The following MAGI2 variants were observed in gnomAD, a reference collection of about 807,000 sequenced individuals.
MAGI2 encodes the protein membrane associated guanylate kinase, WW and PDZ domain containing 2.
MAGI2 carries 35 observed loss-of-function variants against 133.3 expected under a neutral mutation model. The ratio of observed to expected loss-of-function variants is 0.26; its 90% confidence interval spans 0.20 to 0.35. The LOEUF (loss-of-function observed/expected upper bound fraction) is 0.35, where lower values mean the gene tolerates loss of function less well. Ranked by LOEUF, MAGI2 falls within the 10% of genes least tolerant of loss-of-function variation. The pLI is 1.00. For synonymous variants in MAGI2, 729 were observed against 710.6 expected (o/e 1.03, Z -0.41); for missense variants, 1,636 against 1,863.4 (o/e 0.88, Z 2.25).
chr7:78,266,331 G>C (rs1194935540), intron 9 of MAGI2, among the ~76,000 whole-genome samples: 6 of 152,150 alleles, frequency 3.9e-5, no homozygotes, highest in Non-Finnish European at 8.8e-5. Flanking sequence ...TCCCCGAGGA[G>C]CTGGGGCTAC....
intron 2 of MAGI2, among the ~76,000 whole-genome samples, chr7:78,826,158 C>T (rs1790612380): frequency 6.6e-6 from 1 of 151,810 alleles, no homozygotes; most frequent in African/African-American, 2.4e-5. Context: ...CGAGACCATC[C>T]TGCCTAACAC....
chr7:78,144,270 T>C (rs1402455999), intron 16 of MAGI2, among the ~76,000 whole-genome samples: 1 of 152,170 alleles, frequency 6.6e-6, no homozygotes, highest in Non-Finnish European at 1.5e-5. Context: ...ACATTTTAAA[T>C]CTTTCAGCTG....
chr7:78,466,365 AGGT>A (rs1423463694), intron 6 of MAGI2, among the ~76,000 whole-genome samples: 1 of 152,232 alleles, frequency 6.6e-6, no homozygotes, highest in Non-Finnish European at 1.5e-5. Flanking sequence ...ACTTGGGCAC[AGGT>A]GTGAACACAA....
At chr7:79,299,421 G>C (rs1837206380) in intron 1 of MAGI2, among the ~76,000 whole-genome samples, 1 of 151,548 alleles carries the variant, frequency 6.6e-6, no homozygotes, top group Non-Finnish European at 1.5e-5. Flanking sequence ...TTTTGAAGAG[G>C]CATAAGCCAT....
At chr7:78,259,679 C>A (rs1169540895) in intron 9 of MAGI2, among the ~76,000 whole-genome samples, 4 of 152,102 alleles carry the variant, frequency 2.6e-5, no homozygotes, top group Non-Finnish European at 5.9e-5. Context: ...GTAACAAATG[C>A]CACTTCCTCT....
At chr7:79,304,666 C>T (rs10254566) in intron 1 of MAGI2, among the ~76,000 whole-genome samples, 2,536 of 152,278 alleles carry the variant, frequency 0.017, 59 homozygotes, top group African/African-American at 0.059. Flanking sequence ...ATTTACACTG[C>T]CCAGACACTG....
At chr7:79,108,859 G>T (rs1322198430) in intron 1 of MAGI2, among the ~76,000 whole-genome samples, 1 of 152,126 alleles carries the variant, frequency 6.6e-6, no homozygotes, top group Non-Finnish European at 1.5e-5. Context: ...TTACTCACAA[G>T]ATCTGGTTGT....
intron 3 of MAGI2, among the ~76,000 whole-genome samples, chr7:78,522,052 T>C (rs17150949): frequency 0.11 from 16,087 of 152,214 alleles, 1,043 homozygotes; most frequent in Middle Eastern, 0.18. Flanking sequence ...TCTCACACTA[T>C]TCTGAAAAGG....
intron 1 of MAGI2, among the ~76,000 whole-genome samples, chr7:79,299,574 G>A (rs1458922037): frequency 0.027 from 1,167 of 43,270 alleles, 8 homozygotes; most frequent in East Asian, 0.045. Flanking sequence ...AAAAAAAAAA[G>A]ATATCTTTAT....
At chr7:79,001,602 T>C (rs914681342) in intron 2 of MAGI2, among the ~76,000 whole-genome samples, 1 of 152,234 alleles carries the variant, frequency 6.6e-6, no homozygotes, top group East Asian at 1.9e-4. Flanking sequence ...AAGAAGCATG[T>C]CAGTTTAATT....
At chr7:79,415,708 G>T (rs1298267396) in intron 1 of MAGI2, 1 of 152,068 alleles carries the variant, frequency 6.6e-6, no homozygotes, top group East Asian at 1.9e-4. Flanking sequence ...AGATTAAACA[G>T]TACCAGATAC....
intron 3 of MAGI2, among the ~76,000 whole-genome samples, chr7:78,569,212 C>T (rs1801255838): frequency 6.6e-6 from 1 of 151,936 alleles, no homozygotes; most frequent in South Asian, 2.1e-4. Flanking sequence ...GTTTTTTGTT[C>T]ATTTATTCAT....
At chr7:78,911,078 C>T (rs1179007577) in intron 2 of MAGI2, among the ~76,000 whole-genome samples, 1 of 152,146 alleles carries the variant, frequency 6.6e-6, no homozygotes, top group Non-Finnish European at 1.5e-5. Flanking sequence ...CTTCCCTTGT[C>T]TGTGTTTATT....
In MAGI2 at chr7:78,178,100, G is replaced by C; in HGVS notation, c.2314C>G (p.Pro772Ala). The change falls in exon 14 of 22, where the codon CCA (proline) becomes GCA (alanine). Residue 772 changes from proline (P) to alanine (A), a missense_variant and splice_region_variant. Pro to Ala is a conservative substitution (Grantham distance 27). Around this residue, in one of 5 missense-constraint regions of MAGI2, gnomAD observed 920 missense variants for 1,093.5 expected, o/e 0.84. Coordinates refer to ENST00000354212, the MANE Select transcript of MAGI2 (RefSeq NM_012301.4). ...TGAACATCCAATTCCTTATAATCTG[G>C]ACCTGGCATAAAGGAGATCCCATTG... ...RTSFRMDSSGPDYKELDVHLR... is the reference protein window; with the variant it reads ...RTSFRMDSSGADYKELDVHLR... 6.2e-7 allele frequency: 1 copy of C among 1,608,882 alleles called. No individual in the cohort carries two copies. Among genetic ancestry groups the C allele is most frequent in the Non-Finnish European group, 8.5e-7 (1 of 1,175,650 alleles).
At chr7:79,198,026 C>G (rs1828244383) in intron 1 of MAGI2, among the ~76,000 whole-genome samples, 1 of 151,822 alleles carries the variant, frequency 6.6e-6, no homozygotes, top group African/African-American at 2.4e-5. Context: ...GAGAGAGGAT[C>G]ACTTGAGGCC....
chr7:78,955,606 T>C (rs1465944733), intron 2 of MAGI2, among the ~76,000 whole-genome samples: 1 of 151,812 alleles, frequency 6.6e-6, no homozygotes. Context: ...CCAAAATTGC[T>C]TCCCTCCCTC....
At chr7:78,322,317 T>C (rs1286167426) in intron 9 of MAGI2, among the ~76,000 whole-genome samples, 1 of 152,174 alleles carries the variant, frequency 6.6e-6, no homozygotes, top group East Asian at 1.9e-4. Flanking sequence ...ACCCATATGT[T>C]TATTGCGGCA....
At chr7:78,906,577 G>T (rs1426638370) in intron 2 of MAGI2, among the ~76,000 whole-genome samples, 5 of 151,808 alleles carry the variant, frequency 3.3e-5, no homozygotes, top group African/African-American at 1.2e-4. Flanking sequence ...TTGAAATTCA[G>T]TGATTTCACT....
chr7:79,135,938 CGAAAGAAAGAAAGAAAGAAA>C (rs869064064), intron 1 of MAGI2, among the ~76,000 whole-genome samples: 1 of 63,044 alleles, frequency 1.6e-5, no homozygotes, highest in Non-Finnish European at 2.6e-5. Flanking sequence ...AAAATCCTCT[CGAAAGAAAGAAAGAAAGAAA>C]GAAAGAAAGA....
Sources: gnomAD v4.1 joint callset for allele counts (sites outside exome capture counted in the v4.1 genomes callset) on GRCh38, gnomAD v4.1.1 for gene constraint, gnomAD v4.1.1 regional missense constraint, MANE v1.5 for transcripts, NCBI Gene and HGNC (gene_info 2026-07-23, HGNC 2026-07-21) for gene names.